The following ZC3H6 variants were observed in gnomAD, a reference collection of about 807,000 sequenced individuals.
The protein encoded by ZC3H6 is zinc finger CCCH-type containing 6.
In ZC3H6, 40 loss-of-function variants were observed where a neutral mutation model predicts 107.7. The observed-to-expected ratio is 0.37, with a 90% confidence interval of 0.29 to 0.48. The LOEUF is 0.48. Among genes scored for constraint, ZC3H6 ranks in the 20% least tolerant of loss-of-function variants. The probability of loss-of-function intolerance (pLI) is 0.98; values close to 1 mark genes in which losing one functional copy is unlikely to be tolerated. For synonymous variants in ZC3H6, 493 were observed against 487.9 expected (o/e 1.01, Z -0.14); for missense variants, 1,267 against 1,410.4 (o/e 0.90, Z 1.63).
intron 4 of ZC3H6, 62 bp from the exon 5 acceptor site, chr2:112,311,742 A>G (rs1676596826): frequency 2.1e-6 from 3 of 1,447,396 alleles, no homozygotes; most frequent in Non-Finnish European, 1.9e-6. Context: ...TTCCTTATAA[A>G]CTAATAAATT....
At chr2:112,286,717 G>A (rs1324129804) in intron 1 of ZC3H6, among the ~76,000 whole-genome samples, 2 of 152,182 alleles carry the variant, frequency 1.3e-5, no homozygotes, top group African/African-American at 4.8e-5. Context: ...GGGCTCATAG[G>A]CATGACACTG....
intron 1 of ZC3H6, among the ~76,000 whole-genome samples, chr2:112,285,439 C>T (rs1460443045): frequency 6.6e-6 from 1 of 151,866 alleles, no homozygotes; most frequent in Non-Finnish European, 1.5e-5. Flanking sequence ...TCACTGTAAC[C>T]TCTGCCTCCC....
chr2:112,289,614 C>T (rs1273260708), intron 1 of ZC3H6, among the ~76,000 whole-genome samples: 2 of 152,156 alleles, frequency 1.3e-5, no homozygotes, highest in African/African-American at 4.8e-5. Flanking sequence ...CGTGAGCCAC[C>T]GCGCCGGCCC....
chr2:112,299,501 T>G (rs190959084), intron 1 of ZC3H6, among the ~76,000 whole-genome samples: 1 of 152,302 alleles, frequency 6.6e-6, no homozygotes, highest in Non-Finnish European at 1.5e-5. Flanking sequence ...TGAAGAAAAT[T>G]TAGTAGATGG....
intron 1 of ZC3H6, 93 bp from the exon 2 acceptor site, chr2:112,299,756 T>C: frequency 9.7e-7 from 1 of 1,035,042 alleles, no homozygotes; most frequent in Non-Finnish European, 1.3e-6. Context: ...GAATATAACA[T>C]AAATCCTTGG....
At chr2:112,278,110 C>T (rs1041925505) in intron 1 of ZC3H6, among the ~76,000 whole-genome samples, 1 of 152,158 alleles carries the variant, frequency 6.6e-6, no homozygotes, top group African/African-American at 2.4e-5. Context: ...GCAACTGAAT[C>T]AGAATCTCTA....
intron 5 of ZC3H6, chr2:112,312,163 C>A (rs1183443891): frequency 6.9e-6 from 3 of 435,586 alleles, no homozygotes; most frequent in Non-Finnish European, 1.2e-5. Flanking sequence ...TTTGAAAGAA[C>A]CTCAAAATAA....
chr2:112,283,348 C>T (rs541068052), intron 1 of ZC3H6, among the ~76,000 whole-genome samples: 207 of 152,242 alleles, frequency 1.4e-3, no homozygotes, highest in Non-Finnish European at 2.5e-3. Context: ...TGAGTTCTAG[C>T]TTAACATTAA....
At chr2:112,299,037 G>A (rs994244241) in intron 1 of ZC3H6, among the ~76,000 whole-genome samples, 1 of 152,062 alleles carries the variant, frequency 6.6e-6, no homozygotes, top group Non-Finnish European at 1.5e-5. Context: ...CAGCACTTTG[G>A]GAGGCCGAGG....
intron 3 of ZC3H6, among the ~76,000 whole-genome samples, chr2:112,304,432 G>A (rs1318496162): frequency 6.6e-6 from 1 of 152,152 alleles, no homozygotes; most frequent in Admixed American, 6.5e-5. Flanking sequence ...TTTGAGGGCT[G>A]TAAGGGAAGG....
rs1444819895 is a variant in ZC3H6 at position 112,332,734 on chromosome 2, T to C, written c.*246T>C. On this transcript the variant is annotated 3_prime_UTR_variant, in exon 12 of 12. Transcript: ENST00000409871. ...GTTAGCTTCAGTAAAAGTACTTTTATTGTAAATAAACAATCATGAACTCAA... is the reference window on the plus strand; with the variant it reads ...GTTAGCTTCAGTAAAAGTACTTTTACTGTAAATAAACAATCATGAACTCAA... The C allele has an allele frequency of 6.6e-6, 2 of 304,976 alleles. No homozygotes were observed. Among genetic ancestry groups the C allele is most frequent in the Non-Finnish European group, 1.2e-5 (2 of 168,400 alleles). The allele number at this position is 304,976 out of a possible 1,614,324, so 18.9% of individuals were successfully genotyped here. A position where few individuals can be genotyped will look rare whatever the true frequency, so the allele number is the denominator to read the frequency against.
At chr2:112,314,140 G>T (rs1676645968) in intron 5 of ZC3H6, among the ~76,000 whole-genome samples, 1 of 151,902 alleles carries the variant, frequency 6.6e-6, no homozygotes, top group Non-Finnish European at 1.5e-5. Flanking sequence ...AAGTACAGTA[G>T]GTAGCTTGGT....
chr2:112,314,156 TTCTCCCTCCATC>T (rs1676646682), intron 5 of ZC3H6, among the ~76,000 whole-genome samples: 1 of 151,656 alleles, frequency 6.6e-6, no homozygotes, highest in African/African-American at 2.4e-5. Context: ...TTGGTTTTTT[TTCTCCCTCCATC>T]TCTCCCTCTT....
intron 1 of ZC3H6, among the ~76,000 whole-genome samples, chr2:112,294,573 C>G (rs1453725509): frequency 2.0e-5 from 3 of 152,030 alleles, no homozygotes; most frequent in Non-Finnish European, 4.4e-5. Flanking sequence ...TTTATAGAGG[C>G]TTTTGTGTTT....
At chr2:112,289,670 G>T (rs1676062527) in intron 1 of ZC3H6, among the ~76,000 whole-genome samples, 1 of 152,134 alleles carries the variant, frequency 6.6e-6, no homozygotes, top group East Asian at 1.9e-4. Context: ...AATGAAATAG[G>T]GTGACCCATT....
At chr2:112,285,461 A>C (rs971349458) in intron 1 of ZC3H6, among the ~76,000 whole-genome samples, 1 of 151,144 alleles carries the variant, frequency 6.6e-6, no homozygotes, top group Non-Finnish European at 1.5e-5. Context: ...GGTTCAAATT[A>C]TTCCCCTCCC....
intron 1 of ZC3H6, among the ~76,000 whole-genome samples, chr2:112,285,824 G>T (rs1686596335): frequency 6.6e-6 from 1 of 152,080 alleles, no homozygotes; most frequent in South Asian, 2.1e-4. Flanking sequence ...AGCTGGGTGT[G>T]GTGGCATGCG....
rs758636230 is a variant in ZC3H6, at chr2:112,332,321, C to G, written c.3403C>G (p.Gln1135Glu). Reference sequence around the variant, plus strand: ...CCCAGCAGTGCACAGCCTTCCTGTTCAGGCATTAACAGGCTTAATTAGGCC... The same window carrying G: ...CCCAGCAGTGCACAGCCTTCCTGTTGAGGCATTAACAGGCTTAATTAGGCC... Reference protein sequence around the residue: ...QVPAVHSLPVQALTGLIRPQY... With the variant: ...QVPAVHSLPVEALTGLIRPQY... The change falls in exon 12 of 12, where the codon CAG (glutamine) becomes GAG (glutamate). Residue 1135 changes from glutamine to glutamate, a missense_variant. By Grantham distance (29) the Gln-to-Glu change is conservative (BLOSUM62 2). Coordinates refer to ENST00000409871, the MANE Select transcript of ZC3H6 (RefSeq NM_198581.3). The G allele has an allele frequency of 6.2e-7, 1 of 1,613,952 alleles. No homozygotes were observed. Among genetic ancestry groups the G allele is most frequent in the Middle Eastern group, 1.6e-4 (1 of 6,062 alleles).
intron 1 of ZC3H6, among the ~76,000 whole-genome samples, chr2:112,289,469 C>T (rs139476329): frequency 1.2e-4 from 18 of 151,882 alleles, no homozygotes; most frequent in African/African-American, 3.4e-4. Flanking sequence ...GGATTACAGG[C>T]GCCCGCAACC....
Sources: allele counts gnomAD v4.1 joint callset (sites outside exome capture counted in the v4.1 genomes callset), GRCh38; gene constraint gnomAD v4.1.1; transcripts MANE v1.5; gene names NCBI Gene and HGNC (gene_info 2026-07-23, HGNC 2026-07-21).